The following WDPCP variants were observed in gnomAD, a reference collection of about 807,000 sequenced individuals.
WDPCP encodes WD repeat containing planar cell polarity effector.
A neutral mutation model predicts 93.1 loss-of-function variants in WDPCP; 71 were observed. The ratio of observed to expected loss-of-function variants is 0.76; its 90% CI spans 0.63 to 0.93. The LOEUF (loss-of-function observed/expected upper bound fraction) is 0.93, where lower values mean the gene tolerates loss of function less well. Among genes scored for constraint, WDPCP ranks in the 40% least tolerant of loss-of-function variants. WDPCP has a pLI of 0.00. For synonymous variants in WDPCP, 315 were observed against 315.0 expected (o/e 1.00, Z 0.00); for missense variants, 844 against 887.4 (o/e 0.95, Z 0.62).
intron 14 of WDPCP, among the ~76,000 whole-genome samples, chr2:63,217,213 A>G (rs1344295943): frequency 1.3e-5 from 2 of 152,192 alleles, no homozygotes; most frequent in African/African-American, 2.4e-5. Context: ...AGATCTGTCA[A>G]TGTTATATAG....
Position 63,588,465 on chromosome 2 carries a change from G to A in WDPCP, c.-194C>T, listed in dbSNP as rs1709038609. The A allele has an allele frequency of 1.2e-5, 8 of 678,876 alleles. No homozygotes were observed. The highest frequency in any genetic ancestry group is 1.1e-4 in the South Asian group (7 of 61,326). 42.1% of individuals were successfully genotyped at this position (678,876 alleles called of 1,614,324 possible). On this transcript the variant is annotated 5_prime_UTR_variant, in exon 1 of 18. The change creates a new upstream start codon in the 5' untranslated region. Coordinates refer to ENST00000272321, the MANE Select transcript of WDPCP (RefSeq NM_015910.7). ...TAGCAACCTGAGAAGCTGTCCGGTC[G>A]TCCCAACTTATCAATTCCCCCGCCC...
intron 10 of WDPCP, among the ~76,000 whole-genome samples, chr2:63,398,150 G>A (rs984703267): frequency 1.2e-4 from 19 of 152,124 alleles, no homozygotes; most frequent in South Asian, 2.1e-4. Context: ...TGGGGGCGTC[G>A]TAAGAAGCAG....
intron 12 of WDPCP, among the ~76,000 whole-genome samples, chr2:63,372,717 T>G (rs1322316051): frequency 6.6e-6 from 1 of 152,220 alleles, no homozygotes; most frequent in Non-Finnish European, 1.5e-5. Flanking sequence ...ACACTGAAGC[T>G]ATGTTACACA....
chr2:63,277,328 A>G, intron 13 of WDPCP, among the ~76,000 whole-genome samples: 1 of 152,182 alleles, frequency 6.6e-6, no homozygotes, highest in East Asian at 1.9e-4. Context: ...ATGGGAAAAC[A>G]AAAAACAAAA....
intron 13 of WDPCP, among the ~76,000 whole-genome samples, chr2:63,284,565 G>T (rs895409099): frequency 5.9e-5 from 9 of 152,090 alleles, no homozygotes; most frequent in Admixed American, 3.9e-4. Flanking sequence ...CCATAATTTG[G>T]CAAACTAAAG....
At chr2:63,308,213 T>A (rs1051305256) in intron 13 of WDPCP, among the ~76,000 whole-genome samples, 11 of 152,172 alleles carry the variant, frequency 7.2e-5, no homozygotes, top group Non-Finnish European at 1.0e-4. Context: ...TCACGCCAGT[T>A]AGAATGGTGA....
intron 2 of WDPCP, among the ~76,000 whole-genome samples, chr2:63,488,712 C>A (rs555397168): frequency 6.6e-6 from 1 of 152,046 alleles, no homozygotes; most frequent in South Asian, 2.1e-4. Context: ...CTAAGAACCA[C>A]AGGCACTACA....
chr2:63,292,888 T>C (rs939203014), intron 13 of WDPCP, among the ~76,000 whole-genome samples: 1 of 152,236 alleles, frequency 6.6e-6, no homozygotes, highest in African/African-American at 2.4e-5. Context: ...TAATTTTCAA[T>C]TTCAGCTCTT....
chr2:63,804,856 C>T (rs111857868), intron 2 of WDPCP, among the ~76,000 whole-genome samples: 3,985 of 151,662 alleles, frequency 0.026, 81 homozygotes, highest in Non-Finnish European at 0.039. Flanking sequence ...GGTGAAACCC[C>T]GTCTCTACTA....
Position 63,588,419 on chromosome 2 carries a change from G to A in WDPCP, c.-148C>T, listed in dbSNP as rs906745955. 10 of 882,630 alleles carry A rather than the reference G, an allele frequency of 1.1e-5. No individual in the cohort carries two copies. The highest frequency in any genetic ancestry group is 8.5e-5 in the South Asian group (6 of 70,572). 54.7% of individuals were successfully genotyped at this position (882,630 alleles called of 1,614,324 possible). A position where few individuals can be genotyped will look rare whatever the true frequency, so the allele number is the denominator to read the frequency against. ...GTGCTACAAAGCAGCCAGGGTGTGC[G>A]TGCGCTCCCGCCTCGTCGCTTAGCA... On this transcript the variant is annotated 5_prime_UTR_variant, in exon 1 of 18. In the 5' UTR this introduces an upstream ATG that the reference lacks. Transcript: ENST00000272321.
intron 1 of WDPCP, chr2:63,813,848 G>T (rs1670892865): frequency 6.6e-6 from 1 of 152,118 alleles, no homozygotes; most frequent in African/African-American, 2.4e-5. Context: ...AGATACGTTT[G>T]CAGATAAATA....
At chr2:63,215,655 G>A (rs1677261595) in intron 14 of WDPCP, among the ~76,000 whole-genome samples, 2 of 152,266 alleles carry the variant, frequency 1.3e-5, no homozygotes, top group South Asian at 4.1e-4. Flanking sequence ...CATGGGCAAG[G>A]ACTTCATGTC....
At chr2:63,158,725 T>TA (rs1157396195) in intron 15 of WDPCP, among the ~76,000 whole-genome samples, 1 of 152,012 alleles carries the variant, frequency 6.6e-6, no homozygotes, top group Non-Finnish European at 1.5e-5. Flanking sequence ...TTCATTTTTT[T>TA]AAAAAAATAT....
At chr2:63,414,167 T>TA (rs1049762625) in intron 9 of WDPCP, among the ~76,000 whole-genome samples, 3 of 151,916 alleles carry the variant, frequency 2.0e-5, no homozygotes, top group Non-Finnish European at 4.4e-5. Flanking sequence ...AATCAAAACA[T>TA]AAAAAAACAG....
At chr2:63,324,900 A>T (rs1687413557) in intron 12 of WDPCP, among the ~76,000 whole-genome samples, 1 of 152,178 alleles carries the variant, frequency 6.6e-6, no homozygotes, top group South Asian at 2.1e-4. Flanking sequence ...AAAGGAAGAA[A>T]ATCCTTCTGC....
In WDPCP at chr2:63,151,371, C is replaced by A. The variant is rs144864345; in HGVS notation, c.2190+1543G>T. ...TCCTGAGTAGCTGTGACTACAGGTA[C>A]ACGCCACTGTGCCTGGCTACTTTTT... On this transcript the variant is annotated intron_variant, in intron 17 of 17. Coordinates refer to ENST00000272321, the MANE Select transcript of WDPCP (RefSeq NM_015910.7). 6.4e-3 allele frequency among the ~76,000 whole-genome samples: 972 copies of A among 152,246 alleles called. 6 individuals carry two copies. The highest frequency in any genetic ancestry group is 0.024 in the Middle Eastern group (7 of 292).
At chr2:63,537,006 G>C (rs1190837549) in intron 1 of WDPCP, among the ~76,000 whole-genome samples, 1 of 151,972 alleles carries the variant, frequency 6.6e-6, no homozygotes, top group African/African-American at 2.4e-5. Flanking sequence ...GGCCTCAAGT[G>C]ATCCACCCGC....
intron 6 of WDPCP, among the ~76,000 whole-genome samples, chr2:63,466,598 G>T (rs1464701667): frequency 6.6e-6 from 1 of 152,054 alleles, no homozygotes; most frequent in Non-Finnish European, 1.5e-5. Context: ...ATCAGTACTA[G>T]TATTTAAATA....
At chr2:63,737,477 G>C (rs1669654211) in intron 2 of WDPCP, among the ~76,000 whole-genome samples, 1 of 152,184 alleles carries the variant, frequency 6.6e-6, no homozygotes, top group South Asian at 2.1e-4. Flanking sequence ...GAATGAATTA[G>C]TCCTCCTTGC....
Sources: gnomAD v4.1 joint callset for allele counts (sites outside exome capture counted in the v4.1 genomes callset) on GRCh38, gnomAD v4.1.1 for gene constraint, MANE v1.5 for transcripts, NCBI Gene and HGNC (gene_info 2026-07-23, HGNC 2026-07-21) for gene names.